The following TENM3 variants were observed in gnomAD, a reference collection of about 807,000 sequenced individuals.
The protein encoded by TENM3 is teneurin-3.
Under a neutral mutation model 255.1 loss-of-function variants are expected in TENM3, and 63 were observed. The observed-to-expected ratio is 0.25, with a 90% confidence interval of 0.20 to 0.30. The LOEUF (loss-of-function observed/expected upper bound fraction) is 0.30. Among genes scored for constraint, TENM3 ranks in the 10% least tolerant of loss-of-function variants. The probability of loss-of-function intolerance (pLI) is 1.00; values close to 1 mark genes in which losing one functional copy is unlikely to be tolerated. For synonymous variants in TENM3, 1,306 were observed against 1,322.3 expected, an observed-to-expected ratio of 0.99 and a Z score of 0.27; for missense variants, 2,929 against 3,461.1, an observed-to-expected ratio of 0.85 and a Z score of 3.86.
chr4:182,484,454 G>C (rs565415701), intron 3 of TENM3, among the ~76,000 whole-genome samples: 10 of 152,206 alleles, frequency 6.6e-5, no homozygotes, highest in African/African-American at 2.4e-4. Context: ...CAGAACAGTG[G>C]TAATACTTTA....
At chr4:182,100,746 CACACATATATATACACATATATAT>C in the TENM3 span, among the ~76,000 whole-genome samples, 1 of 86,376 alleles carries the variant, frequency 1.2e-5, no homozygotes, top group African/African-American at 4.8e-5. Context: ...CATATATATA[CACACATATATATACACATATATAT>C]ACACATATAT....
intron 3 of TENM3, among the ~76,000 whole-genome samples, chr4:182,553,552 AAG>A (rs1742284127): frequency 1.3e-5 from 2 of 152,112 alleles, no homozygotes; most frequent in Non-Finnish European, 2.9e-5. Context: ...TAAAAAAAAA[AAG>A]AAAATTGAAA....
At chr4:181,851,619 CGCACACGCAT>C in the TENM3 span, among the ~76,000 whole-genome samples, 1 of 152,044 alleles carries the variant, frequency 6.6e-6, no homozygotes, top group Non-Finnish European at 1.5e-5. Context: ...CACGCACGCA[CGCACACGCAT>C]GCACACATGC....
chr4:182,426,915 G>A (rs2151169755), intron 3 of TENM3, among the ~76,000 whole-genome samples: 1 of 152,158 alleles, frequency 6.6e-6, no homozygotes, highest in East Asian at 1.9e-4. Flanking sequence ...TTCTAAACAT[G>A]TTTCCAAAAT....
In TENM3 at chr4:182,752,034, T is replaced by G; in HGVS notation, c.3862+2T>G. Reference sequence around the variant, plus strand: ...AAGCCACACTCATGAGTCCCAAAGGTACCGGCAGTTGGCGATTTGAGGATT... The same window carrying G: ...AAGCCACACTCATGAGTCCCAAAGGGACCGGCAGTTGGCGATTTGAGGATT... On this transcript the variant is annotated splice_donor_variant, in intron 20 of 27. Coordinates refer to ENST00000511685, the MANE Select transcript of TENM3 (RefSeq NM_001080477.4). LOFTEE classifies it high-confidence loss of function. The G allele has an allele frequency of 2.7e-6, 4 of 1,499,592 alleles. No individual in the cohort carries two copies. Among genetic ancestry groups the G allele is most frequent in the Non-Finnish European group, 2.7e-6 (3 of 1,113,942 alleles). 92.9% of individuals were successfully genotyped at this position (1,499,592 alleles called of 1,614,324 possible).
At chr4:181,659,654 C>A in the TENM3 span, among the ~76,000 whole-genome samples, 8 of 152,148 alleles carry the variant, frequency 5.3e-5, no homozygotes, top group East Asian at 1.9e-4. Context: ...AAAAGGTATT[C>A]AGGAAAAGTG....
the TENM3 span, among the ~76,000 whole-genome samples, chr4:181,721,536 C>G: frequency 3.5e-5 from 2 of 56,618 alleles, no homozygotes; most frequent in Non-Finnish European, 7.1e-5. Context: ...GGAGGCGGAG[C>G]TTGCAGTGAG....
chr4:181,684,211 G>A, the TENM3 span, among the ~76,000 whole-genome samples: 2 of 152,224 alleles, frequency 1.3e-5, no homozygotes, highest in African/African-American at 4.8e-5. Flanking sequence ...TGTTATTCAC[G>A]AGTGCATGTG....
intron 4 of TENM3, among the ~76,000 whole-genome samples, chr4:182,625,171 A>T (rs1019135801): frequency 2.0e-5 from 3 of 152,188 alleles, no homozygotes; most frequent in African/African-American, 7.2e-5. Context: ...CATCGGTGAT[A>T]CCAGGAGGGG....
intron 3 of TENM3, among the ~76,000 whole-genome samples, chr4:182,459,763 T>C (rs1006129027): frequency 2.0e-5 from 3 of 152,160 alleles, no homozygotes; most frequent in Admixed American, 1.3e-4. Flanking sequence ...CAAATACTTA[T>C]TTATCTATTA....
At chr4:181,451,638 G>A in the TENM3 span, among the ~76,000 whole-genome samples, 1 of 152,168 alleles carries the variant, frequency 6.6e-6, no homozygotes, top group African/African-American at 2.4e-5. Flanking sequence ...ATCAGAAAGA[G>A]AATGGATTGG....
intron 1 of TENM3, among the ~76,000 whole-genome samples, chr4:182,261,536 GGT>G (rs1400334777): frequency 6.6e-6 from 1 of 152,132 alleles, no homozygotes; most frequent in Non-Finnish European, 1.5e-5. Flanking sequence ...CAGACTTTTA[GGT>G]GTTTCAAATA....
At chr4:182,588,010 A>G (rs1021129890) in intron 3 of TENM3, among the ~76,000 whole-genome samples, 4 of 152,128 alleles carry the variant, frequency 2.6e-5, no homozygotes, top group African/African-American at 9.7e-5. Context: ...TTTTTGTACT[A>G]TCAATCCCTT....
At chr4:181,593,113 T>G in the TENM3 span, among the ~76,000 whole-genome samples, 2 of 152,242 alleles carry the variant, frequency 1.3e-5, no homozygotes. Context: ...AAAGATTGTT[T>G]ACACATTTCC....
At chr4:182,541,161 A>G (rs1430552610) in intron 3 of TENM3, among the ~76,000 whole-genome samples, 4 of 152,224 alleles carry the variant, frequency 2.6e-5, no homozygotes, top group Non-Finnish European at 5.9e-5. Flanking sequence ...TTCACAGCAC[A>G]AATTCTTACC....
upstream of TENM3, chr4:182,143,259 G>A (rs572443498): frequency 1.8e-5 from 3 of 167,246 alleles, no homozygotes; most frequent in East Asian, 5.8e-4. The surrounding 1 kb of genome is among the most constrained non-coding windows in gnomAD (Gnocchi z 4.3). Context: ...CTTGAACCTG[G>A]GGGGCAGACA....
At chr4:182,785,700 C>G (rs1362506132) in intron 24 of TENM3, among the ~76,000 whole-genome samples, 1 of 136,300 alleles carries the variant, frequency 7.3e-6, no homozygotes, top group Non-Finnish European at 1.5e-5. Context: ...CCAGCCAGAC[C>G]CTGTCTCAAG....
At chr4:182,283,687 A>G (rs1478410449) in intron 1 of TENM3, among the ~76,000 whole-genome samples, 3 of 152,164 alleles carry the variant, frequency 2.0e-5, no homozygotes, top group Non-Finnish European at 4.4e-5. Flanking sequence ...AAAAGAAGCG[A>G]ATCCTTTGAT....
At chr4:182,295,424 C>T (rs1360284086) in intron 1 of TENM3, among the ~76,000 whole-genome samples, 3 of 151,690 alleles carry the variant, frequency 2.0e-5, no homozygotes, top group Admixed American at 6.6e-5. Context: ...GCTGCCACCA[C>T]GCCCAGCTAA....
Sources: gnomAD v4.1 joint callset for allele counts (sites outside exome capture counted in the v4.1 genomes callset) on GRCh38, gnomAD v4.1.1 for gene constraint, Gnocchi (gnomAD v3.1) non-coding constraint, MANE v1.5 for transcripts, NCBI Gene and HGNC (gene_info 2026-07-23, HGNC 2026-07-21) for gene names.